DLG1: variants seen among roughly 807,000 people sequenced by gnomAD.
The protein encoded by DLG1 is disks large homolog 1.
A neutral mutation model predicts 123.4 loss-of-function variants in DLG1; 42 were observed. The observed-to-expected ratio is 0.34, with a 90% CI of 0.27 to 0.44. The LOEUF is 0.44. Ranked by LOEUF, DLG1 falls within the 20% of genes least tolerant of loss-of-function variation. The pLI is 1.00. For synonymous variants in DLG1, 317 were observed against 356.2 expected, an observed-to-expected ratio of 0.89 and a Z score of 1.24; for missense variants, 942 against 1,082.6, an observed-to-expected ratio of 0.87 and a Z score of 1.82.
At chr3:197,138,876 A>G (rs991579320) in intron 8 of DLG1, among the ~76,000 whole-genome samples, 1 of 152,204 alleles carries the variant, frequency 6.6e-6, no homozygotes, top group African/African-American at 2.4e-5. Context: ...CACCCAGATA[A>G]TAAGTGACAG....
At chr3:197,134,049 G>A (rs1416262077) in intron 10 of DLG1, among the ~76,000 whole-genome samples, 1 of 152,164 alleles carries the variant, frequency 6.6e-6, no homozygotes, top group South Asian at 2.1e-4. Flanking sequence ...TGGTAGCCAA[G>A]AAATTAAAAA....
At position 197,222,083 on chromosome 3, in the gene DLG1, C is replaced by A. The variant is rs185568077; in HGVS notation, c.319-27494G>T. ...AAAAAATGTCTGTATACGTTCAGTACAAACACAATTTTTCCCCCGAATTCT... is the reference window on the plus strand; with the variant it reads ...AAAAAATGTCTGTATACGTTCAGTAAAAACACAATTTTTCCCCCGAATTCT... On this transcript the variant is annotated intron_variant, in intron 4 of 24. Transcript: ENST00000667157. 1.1e-4 allele frequency among the ~76,000 whole-genome samples: 16 copies of A among 152,244 alleles called. No homozygotes were observed. The East Asian group carries it at 2.9e-3, about 28-fold the overall frequency.
intron 13 of DLG1, among the ~76,000 whole-genome samples, chr3:197,105,592 GC>G (rs1207057513): frequency 6.6e-6 from 1 of 152,072 alleles, no homozygotes; most frequent in East Asian, 1.9e-4. Context: ...TGAATTAAGA[GC>G]CCTTCCTTAG....
intron 3 of DLG1, among the ~76,000 whole-genome samples, chr3:197,288,516 G>A (rs554306283): frequency 6.6e-6 from 1 of 151,036 alleles, no homozygotes; most frequent in East Asian, 1.9e-4. Context: ...GAGGTCAGGA[G>A]TTCGAGACCA....
chr3:197,092,411 T>C (rs1758241209), intron 14 of DLG1, among the ~76,000 whole-genome samples: 2 of 152,244 alleles, frequency 1.3e-5, no homozygotes, highest in Non-Finnish European at 2.9e-5. Flanking sequence ...CCAACACTAC[T>C]ACCATGATAT....
At chr3:197,113,542 ATT>A (rs1262926081) in intron 13 of DLG1, among the ~76,000 whole-genome samples, 1 of 152,092 alleles carries the variant, frequency 6.6e-6, no homozygotes, top group Non-Finnish European at 1.5e-5. Context: ...CTTAAATTCT[ATT>A]TTGTCTCATA....
intron 11 of DLG1, among the ~76,000 whole-genome samples, chr3:197,129,441 T>C (rs1290354135): frequency 6.6e-6 from 1 of 152,228 alleles, no homozygotes; most frequent in Non-Finnish European, 1.5e-5. Flanking sequence ...GGCTTTGGTT[T>C]GAAGGAATCT....
intron 10 of DLG1, among the ~76,000 whole-genome samples, chr3:197,133,838 T>C (rs552340634): frequency 6.6e-6 from 1 of 152,264 alleles, no homozygotes; most frequent in Admixed American, 6.5e-5. Flanking sequence ...GAAAAAGTGT[T>C]AGAAGGAGGA....
intron 3 of DLG1, among the ~76,000 whole-genome samples, chr3:197,284,121 A>T (rs1294182886): frequency 2.0e-5 from 3 of 152,042 alleles, no homozygotes; most frequent in African/African-American, 2.4e-5. Context: ...TCAGGCTCCC[A>T]AAGTGCTGGG....
At chr3:197,185,680 T>C (rs1443214059) in intron 5 of DLG1, among the ~76,000 whole-genome samples, 1 of 152,216 alleles carries the variant, frequency 6.6e-6, no homozygotes, top group Non-Finnish European at 1.5e-5. Context: ...CTACGGTAAT[T>C]GGTCTGGCCC....
rs192522856 is a variant in DLG1 at position 197,249,803 on chromosome 3, G to T, written c.318+32876C>A. 1.9e-4 allele frequency among the ~76,000 whole-genome samples: 29 copies of T among 152,064 alleles called. No individual in the cohort carries two copies. The East Asian group carries it at 5.4e-3, about 28-fold the overall frequency. ...CATGATACATCACATTAACAGAACCGAAAACAAAAACCATGATTATTTCAA... is the reference window on the plus strand; with the variant it reads ...CATGATACATCACATTAACAGAACCTAAAACAAAAACCATGATTATTTCAA... On this transcript the variant is annotated intron_variant, in intron 4 of 24. Transcript: ENST00000667157.
At chr3:197,276,944 T>C (rs1400092164) in intron 4 of DLG1, among the ~76,000 whole-genome samples, 3 of 152,018 alleles carry the variant, frequency 2.0e-5, no homozygotes, top group Non-Finnish European at 4.4e-5. Context: ...CAGGCTGGAG[T>C]GCGGTGGTAC....
At position 197,209,925 on chromosome 3, in the gene DLG1, T is replaced by C. The variant is rs1561469318; in HGVS notation, c.319-15336A>G. 1.4e-5 allele frequency among the ~76,000 whole-genome samples: 2 copies of C among 146,730 alleles called. 1 individual carries two copies. The highest frequency in any genetic ancestry group is 5.0e-4 in the South Asian group (2 of 3,962). ...TGGTTGGAATACTCAGTGCTTATTG[T>C]CACACATTGTTACCAGAAGGGTTAA... On this transcript the variant is annotated intron_variant, in intron 4 of 24. Transcript: ENST00000667157.
At chr3:197,058,929 C>CTCTTTT (rs1330167282) in intron 23 of DLG1, among the ~76,000 whole-genome samples, 1 of 152,132 alleles carries the variant, frequency 6.6e-6, no homozygotes, top group Non-Finnish European at 1.5e-5. Flanking sequence ...TGAAATGTCA[C>CTCTTTT]TCTTTTTAGT....
intron 14 of DLG1, among the ~76,000 whole-genome samples, chr3:197,096,842 C>T (rs933301744): frequency 6.6e-6 from 1 of 152,194 alleles, no homozygotes; most frequent in Non-Finnish European, 1.5e-5. Flanking sequence ...AGACATTACG[C>T]TAATCCTTAT....
chr3:197,260,173 A>C, intron 4 of DLG1: 1 of 343,378 alleles, frequency 2.9e-6, no homozygotes, highest in South Asian at 2.4e-5. Context: ...AACAATGGTT[A>C]CACCTTATTT....
At chr3:197,291,443 C>A (rs1052156232) in intron 3 of DLG1, among the ~76,000 whole-genome samples, 1 of 152,046 alleles carries the variant, frequency 6.6e-6, no homozygotes, top group African/African-American at 2.4e-5. Context: ...GATCTCAAAC[C>A]CTGATTACTA....
Position 197,159,191 on chromosome 3 carries a change from C to A in DLG1, c.484-9395G>T, listed in dbSNP as rs80152394. Among the ~76,000 whole-genome samples, 693 of 152,212 alleles carry A rather than the reference C, an allele frequency of 4.6e-3. 3 individuals are homozygous for A. Among genetic ancestry groups the A allele is most frequent in the Non-Finnish European group, 7.6e-3 (515 of 68,016 alleles). On this transcript the variant is annotated intron_variant, in intron 5 of 24. Coordinates refer to ENST00000667157, the MANE Select transcript of DLG1 (RefSeq NM_001366207.1). ...ACGTTCTTTCTGCAATATTAAGCAG[C>A]CATTAAATATTACCTTTATCTGTGC... is the stretch of plus-strand genomic sequence containing the variant.
At chr3:197,051,474 G>A (rs777675888) in intron 24 of DLG1, 103 bp downstream of exon 24, 9 of 836,738 alleles carry the variant, frequency 1.1e-5, no homozygotes, top group African/African-American at 5.1e-5. Context: ...TAGTTACTAC[G>A]GGTAGATGTA....
Sources: gnomAD v4.1 joint callset for allele counts (sites outside exome capture counted in the v4.1 genomes callset) on GRCh38, gnomAD v4.1.1 for gene constraint, MANE v1.5 for transcripts, NCBI Gene and HGNC (gene_info 2026-07-23, HGNC 2026-07-21) for gene names.